EIF2AK4: variants seen among roughly 807,000 people sequenced by gnomAD.
EIF2AK4 encodes eIF-2-alpha kinase GCN2.
A neutral mutation model predicts 211.1 loss-of-function variants in EIF2AK4; 139 were observed. That is an observed-to-expected ratio of 0.66 (90% CI 0.57 to 0.76). The LOEUF (loss-of-function observed/expected upper bound fraction) is 0.76, where lower values mean the gene tolerates loss of function less well. Among genes scored for constraint, EIF2AK4 ranks in the 30% least tolerant of loss-of-function variants. The pLI is 0.00. For synonymous variants in EIF2AK4, 710 were observed against 751.3 expected (o/e 0.94, Z 0.90); for missense variants, 1,664 against 2,043.8 (o/e 0.81, Z 3.58).
At chr15:40,008,697 C>T (rs1471182946) in intron 25 of EIF2AK4, among the ~76,000 whole-genome samples, 1 of 152,104 alleles carries the variant, frequency 6.6e-6, no homozygotes, top group Non-Finnish European at 1.5e-5. Flanking sequence ...ATGGTTTGGG[C>T]CCTTTCTCCC....
In EIF2AK4 at chr15:39,967,540, A is replaced by G; in HGVS notation, c.1214A>G (p.Tyr405Cys). 6.2e-7 allele frequency: 1 copy of G among 1,614,000 alleles called. No homozygotes were observed. The highest frequency in any genetic ancestry group is 1.1e-5 in the South Asian group (1 of 91,068). Reference protein sequence around the residue: ...GPIPVHQLRRYTAQLLSGLDY... With the variant: ...GPIPVHQLRRCTAQLLSGLDY... ...ATCCCTGTGCATCAGCTTCGCAGGT[A>G]CACAGCTCAGCTCCTGTCAGGCCTT... Residue 405 changes from tyrosine to cysteine, a missense_variant, in exon 9 of 39, where the codon TAC becomes TGC. By Grantham distance (194) the Tyr-to-Cys change is radical. Around this residue, in one of 7 missense-constraint regions of EIF2AK4, gnomAD observed 641 missense variants for 729.6 expected, o/e 0.88. Coordinates refer to ENST00000263791, the MANE Select transcript of EIF2AK4 (RefSeq NM_001013703.4).
At chr15:39,947,575 A>G (rs16970024) in intron 3 of EIF2AK4, among the ~76,000 whole-genome samples, 9,536 of 152,328 alleles carry the variant, frequency 0.063, 489 homozygotes, top group East Asian at 0.28. Flanking sequence ...GGAAAACCAC[A>G]GTGAGCAAAC....
intron 2 of EIF2AK4, 22 bp from the exon 3 acceptor site, chr15:39,943,361 T>C: frequency 7.1e-7 from 1 of 1,406,992 alleles, no homozygotes; most frequent in East Asian, 2.5e-5. Flanking sequence ...CTTTTTTTTT[T>C]TTTTTTTTTT....
chr15:40,012,664 T>C (rs2035249758), intron 27 of EIF2AK4, among the ~76,000 whole-genome samples: 1 of 147,840 alleles, frequency 6.8e-6, no homozygotes, highest in African/African-American at 2.5e-5. Context: ...CAGAACATCT[T>C]TTTTTTTTTT....
chr15:39,970,637 C>A (rs906051041), intron 9 of EIF2AK4, among the ~76,000 whole-genome samples: 13 of 151,878 alleles, frequency 8.6e-5, no homozygotes, highest in Admixed American at 7.9e-4. Flanking sequence ...TTAAAAAAAT[C>A]AAAAAACAAT....
At chr15:40,006,549 G>A (rs2035164617) in intron 23 of EIF2AK4, among the ~76,000 whole-genome samples, 1 of 152,054 alleles carries the variant, frequency 6.6e-6, no homozygotes, top group South Asian at 2.1e-4. Flanking sequence ...TACTAGTTGT[G>A]GTTACTATTT....
intron 18 of EIF2AK4, among the ~76,000 whole-genome samples, chr15:39,995,589 G>A (rs7175913): frequency 0.4 from 60,422 of 151,602 alleles, 12,588 homozygotes; most frequent in East Asian, 0.53. Context: ...TCTTTTTATT[G>A]TAGATACTTT....
chr15:39,989,939 AAT>A (rs2034919378), intron 15 of EIF2AK4, among the ~76,000 whole-genome samples: 2 of 152,326 alleles, frequency 1.3e-5, no homozygotes, highest in African/African-American at 4.8e-5. Flanking sequence ...TAGAAGAAGG[AAT>A]AAAAATGGTG....
intron 29 of EIF2AK4, among the ~76,000 whole-genome samples, chr15:40,017,940 C>T (rs1056117743): frequency 1.3e-5 from 2 of 152,234 alleles, no homozygotes; most frequent in South Asian, 4.1e-4. Flanking sequence ...TGTACTTTCC[C>T]TCAACAACCA....
In EIF2AK4 at chr15:39,988,642, G is replaced by A. The variant is rs115955703; in HGVS notation, c.2526+537G>A. On this transcript the variant is annotated intron_variant, in intron 15 of 38. Coordinates refer to ENST00000263791, the MANE Select transcript of EIF2AK4 (RefSeq NM_001013703.4). ...CTCTGGCCCTTTACAGAAAAAATTT[G>A]TTAACCTCTGGGAGAGGAGAAAGTA... Among the ~76,000 whole-genome samples the A allele has an allele frequency of 5.4e-3, 815 of 152,200 alleles. 4 individuals carry two copies. Among genetic ancestry groups the A allele is most frequent in the African/African-American group, 0.019 (786 of 41,510 alleles).
chr15:39,986,871 CAACAACAACAAA>C (rs1054151703), intron 14 of EIF2AK4, among the ~76,000 whole-genome samples: 8 of 149,888 alleles, frequency 5.3e-5, no homozygotes, highest in Non-Finnish European at 1.0e-4. Flanking sequence ...CAAACAACAA[CAACAACAACAAA>C]AACAAAGAAG....
intron 23 of EIF2AK4, among the ~76,000 whole-genome samples, chr15:40,003,574 A>AC (rs1255219900): frequency 2.0e-5 from 3 of 151,994 alleles, no homozygotes; most frequent in Admixed American, 6.6e-5. Context: ...CCACATGTGC[A>AC]CCCCCCAGTG....
At chr15:40,015,644 A>G (rs2035293830) in intron 27 of EIF2AK4, among the ~76,000 whole-genome samples, 1 of 152,218 alleles carries the variant, frequency 6.6e-6, no homozygotes, top group African/African-American at 2.4e-5. Flanking sequence ...AGGAGGTTTT[A>G]ACATTTTTTG....
chr15:40,035,087 C>G lies in EIF2AK4; in HGVS notation c.*3C>G. Reference sequence around the variant, plus strand: ...ACTACTACAGAATCTTATTTTAACCCTAAAGAACTGTCGTTAACCTCATTC... The same window carrying G: ...ACTACTACAGAATCTTATTTTAACCGTAAAGAACTGTCGTTAACCTCATTC... On this transcript the variant is annotated 3_prime_UTR_variant, in exon 39 of 39. Coordinates refer to ENST00000263791, the MANE Select transcript of EIF2AK4 (RefSeq NM_001013703.4). The G allele has an allele frequency of 5.1e-6, 8 of 1,571,370 alleles. No homozygotes were observed. Among genetic ancestry groups the G allele is most frequent in the Non-Finnish European group, 6.9e-6 (8 of 1,156,174 alleles).
At chr15:39,959,640 G>C (rs994127739) in intron 6 of EIF2AK4, among the ~76,000 whole-genome samples, 3 of 152,190 alleles carry the variant, frequency 2.0e-5, no homozygotes, top group Non-Finnish European at 4.4e-5. Context: ...CTTAAGAACA[G>C]AAAGATGGCC....
intron 4 of EIF2AK4, among the ~76,000 whole-genome samples, chr15:39,950,145 AAAT>A (rs2034286565): frequency 6.6e-6 from 1 of 152,182 alleles, no homozygotes; most frequent in Middle Eastern, 3.2e-3. Context: ...CACATTTATT[AAAT>A]AATAATTCTT....
rs553802851 is a variant in EIF2AK4, at chr15:39,998,739, G to A, written c.2877G>A (p.Ser959=). The change falls in exon 20 of 39, where the codon TCG becomes TCA. Residue 959 remains serine, a synonymous_variant. Coordinates refer to ENST00000263791, the MANE Select transcript of EIF2AK4 (RefSeq NM_001013703.4). ...TGAATATATTTTTTTAGCCCACTTC[G>A]CCTAAGTTTCCAGAAGACTTTGACG... ...FVLNQLRDPT[S]PKFPEDFDDG... 93 of 1,612,212 alleles carry A rather than the reference G, an allele frequency of 5.8e-5. 1 individual carries two copies. In the South Asian group the frequency reaches 6.0e-4, roughly 10 times the overall value.
At chr15:39,956,975 G>A (rs2034400672) in intron 6 of EIF2AK4, among the ~76,000 whole-genome samples, 1 of 151,994 alleles carries the variant, frequency 6.6e-6, no homozygotes, top group South Asian at 2.1e-4. Flanking sequence ...CTACTATTAG[G>A]TTTAACTAAA....
chr15:40,013,180 A>AT (rs540897623), intron 27 of EIF2AK4, among the ~76,000 whole-genome samples: 2 of 151,922 alleles, frequency 1.3e-5, no homozygotes, highest in Admixed American at 6.6e-5. Flanking sequence ...TTTTCTTTTT[A>AT]TTTTTTTGAG....
Sources: gnomAD v4.1 joint callset for allele counts (sites outside exome capture counted in the v4.1 genomes callset) on GRCh38, gnomAD v4.1.1 for gene constraint, gnomAD v4.1.1 regional missense constraint, MANE v1.5 for transcripts, NCBI Gene and HGNC (gene_info 2026-07-23, HGNC 2026-07-21) for gene names.